Variants in OR5K4 observed in about 807,000 individuals in gnomAD.
OR5K4 encodes the protein olfactory receptor 5K4.
In OR5K4, 16 loss-of-function variants were observed where a neutral mutation model predicts 11.8. That is an observed-to-expected ratio of 1.36 (90% CI 0.92 to 2.06). The LOEUF (loss-of-function observed/expected upper bound fraction) is 2.06, where lower values mean the gene tolerates loss of function less well. Ranked by LOEUF, OR5K4 falls within the 30% of genes most tolerant of loss-of-function variation. The pLI, the probability that OR5K4 is intolerant of heterozygous loss-of-function variation, is 0.00. For synonymous variants in OR5K4, 152 were observed against 135.1 expected, an observed-to-expected ratio of 1.12 and a Z score of -0.87; for missense variants, 442 against 386.9, an observed-to-expected ratio of 1.14 and a Z score of -1.19.
rs759412519 is a variant in OR5K4, at chr3:98,353,898, A to G, written c.45A>G (p.Ile15Met). The G allele has an allele frequency of 1.9e-6, 3 of 1,613,656 alleles. No homozygotes were observed. Among genetic ancestry groups the G allele is most frequent in the African/African-American group, 2.7e-5 (2 of 74,898 alleles). The change falls in exon 1 of 1, where the codon ATA becomes ATG. Residue 15 changes from isoleucine to methionine, a missense_variant. Coordinates refer to ENST00000354924, the MANE Select transcript of OR5K4 (RefSeq NM_001005517.1). ...NHSLAAEFIL[I>M]GFTNYPELKT... is the part of the protein sequence containing the mutation. The stretch of plus-strand genomic sequence containing the variant: ...CCTTAGCAGCTGAATTCATCCTCAT[A>G]GGATTTACAAATTATCCAGAGCTGA...
At position 98,354,437 on chromosome 3, in the gene OR5K4, A is replaced by T. The variant is rs758526321; in HGVS notation, c.584A>T (p.Asn195Ile). The T allele has an allele frequency of 5.0e-5, 80 of 1,611,374 alleles. No homozygotes were observed. The highest frequency in any genetic ancestry group is 6.3e-5 in the Non-Finnish European group (74 of 1,177,644). ...YRLSCTDPSI[N>I]ELMIYIFSIP... is the part of the protein sequence containing the mutation. ...CTCTCCTGTACAGATCCTTCTATTA[A>T]TGAACTAATGATATATATCTTTTCA... is the stretch of plus-strand genomic sequence containing the variant. The change falls in exon 1 of 1, where the codon AAT (asparagine) becomes ATT (isoleucine). Residue 195 changes from asparagine to isoleucine, a missense_variant. Coordinates refer to ENST00000354924, the MANE Select transcript of OR5K4 (RefSeq NM_001005517.1).
chr3:98,354,609 C>T lies in OR5K4; in HGVS notation c.756C>T (p.Tyr252=), dbSNP rs752278724. 3.1e-6 allele frequency: 5 copies of T among 1,613,570 alleles called. No individual in the cohort carries two copies. The highest frequency in any genetic ancestry group is 4.2e-6 in the Non-Finnish European group (5 of 1,179,612). The change falls in exon 1 of 1, where the codon TAC becomes TAT. Residue 252 remains tyrosine (Y), a synonymous_variant. Coordinates refer to ENST00000354924, the MANE Select transcript of OR5K4 (RefSeq NM_001005517.1). ...ACTTTCTCTCTGTCTCAATATTTTA[C>T]ATTTGTCTTCTCATGTATATTGGAC... ...ASHFLSVSIF[Y]ICLLMYIGPS... is the part of the protein sequence containing the mutation.
rs760566059 is a variant in OR5K4, at chr3:98,354,573, C to T, written c.720C>T (p.Thr240=). 1.2e-6 allele frequency: 2 copies of T among 1,613,788 alleles called. No individual in the cohort carries two copies. Among genetic ancestry groups the T allele is most frequent in the Non-Finnish European group, 1.7e-6 (2 of 1,179,920 alleles). The change falls in exon 1 of 1, where the codon ACC becomes ACT. Residue 240 remains threonine, a synonymous_variant. Coordinates refer to ENST00000354924, the MANE Select transcript of OR5K4 (RefSeq NM_001005517.1). The stretch of plus-strand genomic sequence containing the variant: ...AGGGAAGAGGTAAAGCATTTTCTAC[C>T]TGTGCATCCCACTTTCTCTCTGTCT... ...SKEGRGKAFS[T]CASHFLSVSI...
At position 98,354,028 on chromosome 3, in the gene OR5K4, A is replaced by G. The variant is rs574750152; in HGVS notation, c.175A>G (p.Met59Val). ...TGTAGAGCGTCGTCTTCTCACACCA[A>G]TGTACATCTTTCTGGGCAACCTGGC... The part of the protein sequence containing the change: ...IYVERRLLTP[M>V]YIFLGNLALM... Residue 59 changes from methionine to valine, a missense_variant, in exon 1 of 1, where the codon ATG becomes GTG. Met to Val is a conservative substitution (Grantham distance 21). Coordinates refer to ENST00000354924, the MANE Select transcript of OR5K4 (RefSeq NM_001005517.1). 1.7e-5 allele frequency: 28 copies of G among 1,613,938 alleles called. No homozygotes were observed. The highest frequency in any genetic ancestry group is 5.3e-5 in the African/African-American group (4 of 74,972).
In OR5K4 at chr3:98,354,295, G is replaced by C; in HGVS notation, c.442G>C (p.Ala148Pro). Residue 148 changes from alanine to proline, a missense_variant, in exon 1 of 1, where the codon GCC (alanine) becomes CCC (proline). Ala to Pro is a conservative substitution (Grantham distance 27). Transcript: ENST00000354924. The stretch of plus-strand genomic sequence containing the variant: ...GCTCTGCATTCGGATGACCACAGGG[G>C]CCTTCAAAGCTGGAAACCTGCATTC... ...KTLCIRMTTGAFKAGNLHSMI... is the reference protein window; with the variant it reads ...KTLCIRMTTGPFKAGNLHSMI... 1.2e-6 allele frequency: 2 copies of C among 1,614,166 alleles called. No homozygotes were observed. The highest frequency in any genetic ancestry group is 1.7e-6 in the Non-Finnish European group (2 of 1,180,036).
rs776536731 is a variant in OR5K4 at position 98,354,036 on chromosome 3, C to T, written c.183C>T (p.Ile61=). 1.2e-6 allele frequency: 2 copies of T among 1,613,886 alleles called. No homozygotes were observed. The highest frequency in any genetic ancestry group is 1.3e-5 in the African/African-American group (1 of 74,880). The change falls in exon 1 of 1, where the codon ATC becomes ATT. Residue 61 remains isoleucine (I), a synonymous_variant. Coordinates refer to ENST00000354924, the MANE Select transcript of OR5K4 (RefSeq NM_001005517.1). Reference sequence around the variant, plus strand: ...GTCGTCTTCTCACACCAATGTACATCTTTCTGGGCAACCTGGCTCTGATGG... The same window carrying T: ...GTCGTCTTCTCACACCAATGTACATTTTTCTGGGCAACCTGGCTCTGATGG... ...VERRLLTPMY[I]FLGNLALMDS... is the part of the protein sequence containing the mutation.
Position 98,354,456 on chromosome 3 carries a change from C to A in OR5K4, c.603C>A (p.Ile201=). ...DPSINELMIY[I]FSIPIQIFTI... Reference sequence around the variant, plus strand: ...CTATTAATGAACTAATGATATATATCTTTTCAATACCAATTCAAATCTTTA... The same window carrying A: ...CTATTAATGAACTAATGATATATATATTTTCAATACCAATTCAAATCTTTA... Residue 201 remains isoleucine, a synonymous_variant, in exon 1 of 1, where the codon ATC becomes ATA. Transcript: ENST00000354924. The A allele has an allele frequency of 3.7e-6, 6 of 1,610,168 alleles. No homozygotes were observed. The highest frequency in any genetic ancestry group is 5.1e-6 in the Non-Finnish European group (6 of 1,176,420).
Position 98,353,932 on chromosome 3 carries a change from C to T in OR5K4, c.79C>T (p.Leu27=). 1 of 1,614,150 alleles carries T rather than the reference C, an allele frequency of 6.2e-7. No homozygotes were observed. The change falls in exon 1 of 1, where the codon CTG becomes TTG. Residue 27 remains leucine, a synonymous_variant. Transcript: ENST00000354924. The part of the protein sequence containing the change: ...FTNYPELKTL[L]FVVFSAIYLV... ...AAATTATCCAGAGCTGAAGACGCTTCTGTTTGTGGTGTTCTCTGCCATCTA... is the reference window on the plus strand; with the variant it reads ...AAATTATCCAGAGCTGAAGACGCTTTTGTTTGTGGTGTTCTCTGCCATCTA...
chr3:98,354,419 G>A lies in OR5K4; in HGVS notation c.566G>A (p.Cys189Tyr), dbSNP rs1187280023. The A allele has an allele frequency of 1.9e-6, 3 of 1,608,474 alleles. No individual in the cohort carries two copies. Among genetic ancestry groups the A allele is most frequent in the Middle Eastern group, 1.6e-4 (1 of 6,074 alleles). ...ATTCTTCCACTGTATAGACTCTCCT[G>A]TACAGATCCTTCTATTAATGAACTA... ...CDILPLYRLS[C>Y]TDPSINELMI... Residue 189 changes from cysteine (C) to tyrosine (Y), a missense_variant, in exon 1 of 1, where the codon TGT (cysteine) becomes TAT (tyrosine). Transcript: ENST00000354924.
rs1250061946 is a variant in OR5K4 at position 98,353,874 on chromosome 3, C to G, written c.21C>G (p.Ser7=). 13 of 1,610,278 alleles carry G rather than the reference C, an allele frequency of 8.1e-6. 1 individual carries two copies. Among genetic ancestry groups the G allele is most frequent in the Non-Finnish European group, 1.1e-5 (13 of 1,178,358 alleles). The change falls in exon 1 of 1, where the codon TCC becomes TCG. Residue 7 remains serine (S), a synonymous_variant. Coordinates refer to ENST00000354924, the MANE Select transcript of OR5K4 (RefSeq NM_001005517.1). MARENH[S]LAAEFILIGF... ...CAGGAATGGCTAGGGAAAATCACTC[C>G]TTAGCAGCTGAATTCATCCTCATAG...
Position 98,354,477 on chromosome 3 carries a change from C to A in OR5K4, c.624C>A (p.Ile208=). Reference sequence around the variant, plus strand: ...ATATCTTTTCAATACCAATTCAAATCTTTACCATTGCTACTGTCTTGATCT... The same window carrying A: ...ATATCTTTTCAATACCAATTCAAATATTTACCATTGCTACTGTCTTGATCT... ...MIYIFSIPIQ[I]FTIATVLISY... Residue 208 remains isoleucine (I), a synonymous_variant, in exon 1 of 1, where the codon ATC becomes ATA. Transcript: ENST00000354924. 3 of 1,610,996 alleles carry A rather than the reference C, an allele frequency of 1.9e-6. No homozygotes were observed. In the South Asian group the frequency reaches 3.3e-5, roughly 18 times the overall value.
chr3:98,354,049 C>T lies in OR5K4; in HGVS notation c.196C>T (p.Leu66=). ...ACCAATGTACATCTTTCTGGGCAACCTGGCTCTGATGGATTCCTGCTGTTC... is the reference window on the plus strand; with the variant it reads ...ACCAATGTACATCTTTCTGGGCAACTTGGCTCTGATGGATTCCTGCTGTTC... ...LTPMYIFLGN[L]ALMDSCCSCA... The change falls in exon 1 of 1, where the codon CTG becomes TTG. Residue 66 remains leucine, a synonymous_variant. Transcript: ENST00000354924. 1 of 1,614,186 alleles carries T rather than the reference C, an allele frequency of 6.2e-7. No homozygotes were observed. Among genetic ancestry groups the T allele is most frequent in the Non-Finnish European group, 8.5e-7 (1 of 1,180,016 alleles).
Position 98,354,638 on chromosome 3 carries a change from C to G in OR5K4, c.785C>G (p.Ser262Cys), listed in dbSNP as rs763135440. The change falls in exon 1 of 1, where the codon TCT (serine) becomes TGT (cysteine). Residue 262 changes from serine (S) to cysteine (C), a missense_variant. By Grantham distance (112) the Ser-to-Cys change is moderately radical. Coordinates refer to ENST00000354924, the MANE Select transcript of OR5K4 (RefSeq NM_001005517.1). ...TGTCTTCTCATGTATATTGGACCATCTGAAGAAGGAGATAAAGATACACCA... is the reference window on the plus strand; with the variant it reads ...TGTCTTCTCATGTATATTGGACCATGTGAAGAAGGAGATAAAGATACACCA... ...YICLLMYIGP[S>C]EEGDKDTPVA... 6.2e-7 allele frequency: 1 copy of G among 1,611,632 alleles called. No homozygotes were observed. Among genetic ancestry groups the G allele is most frequent in the South Asian group, 1.1e-5 (1 of 91,004 alleles).
In OR5K4 at chr3:98,354,169, CT is replaced by C; in HGVS notation, c.318del (p.Ala107LeufsTer29). ...ECMAQFYFLC[L>X]AETTDCFLLA... Reference sequence around the variant, plus strand: ...TATGGCACAATTTTATTTTCTCTGTCTTGCTGAAACCACAGACTGCTTTCTT... The same window carrying C: ...TATGGCACAATTTTATTTTCTCTGTCTGCTGAAACCACAGACTGCTTTCTT... On this transcript the variant is annotated frameshift_variant, in exon 1 of 1. Transcript: ENST00000354924. LOFTEE classifies it high-confidence loss of function. 4 of 1,614,166 alleles carry C rather than the reference CT, an allele frequency of 2.5e-6. No individual in the cohort carries two copies. The highest frequency in any genetic ancestry group is 3.4e-6 in the Non-Finnish European group (4 of 1,180,028).
At position 98,354,443 on chromosome 3, in the gene OR5K4, T is replaced by G. The variant is rs1004036109; in HGVS notation, c.590T>G (p.Leu197Arg). ...TGTACAGATCCTTCTATTAATGAAC[T>G]AATGATATATATCTTTTCAATACCA... The part of the protein sequence containing the change: ...LSCTDPSINE[L>R]MIYIFSIPIQ... The change falls in exon 1 of 1, where the codon CTA (leucine) becomes CGA (arginine). Residue 197 changes from leucine (L) to arginine (R), a missense_variant. By Grantham distance (102) the Leu-to-Arg change is moderately radical. Coordinates refer to ENST00000354924, the MANE Select transcript of OR5K4 (RefSeq NM_001005517.1). The G allele has an allele frequency of 2.5e-6, 4 of 1,610,554 alleles. No individual in the cohort carries two copies. The highest frequency in any genetic ancestry group is 3.4e-6 in the Non-Finnish European group (4 of 1,176,762).
chr3:98,354,699 A>T lies in OR5K4; in HGVS notation c.846A>T (p.Leu282=). 1 of 1,604,826 alleles carries T rather than the reference A, an allele frequency of 6.2e-7. No individual in the cohort carries two copies. Among genetic ancestry groups the T allele is most frequent in the East Asian group, 2.2e-5 (1 of 44,778 alleles). The change falls in exon 1 of 1, where the codon CTA becomes CTT. Residue 282 remains leucine, a synonymous_variant. Transcript: ENST00000354924. The part of the protein sequence containing the change: ...AIFYAIVIPL[L]NPFIYSLRNK... ...TTTATGCAATAGTAATCCCATTACT[A>T]AACCCTTTTATTTATAGTCTGAGAA...
Position 98,354,031 on chromosome 3 carries a change from T to TGTG in OR5K4, c.178_179insGTG (p.Tyr60delinsCysAsp). 6.2e-7 allele frequency: 1 copy of TGTG among 1,614,118 alleles called. No individual in the cohort carries two copies. Among genetic ancestry groups the TGTG allele is most frequent in the Non-Finnish European group, 8.5e-7 (1 of 1,179,986 alleles). ...AGAGCGTCGTCTTCTCACACCAATG[T>TGTG]ACATCTTTCTGGGCAACCTGGCTCT... On this transcript the variant is annotated protein_altering_variant, in exon 1 of 1. Coordinates refer to ENST00000354924, the MANE Select transcript of OR5K4 (RefSeq NM_001005517.1).
chr3:98,354,731 A>G lies in OR5K4; in HGVS notation c.878A>G (p.Glu293Gly). 3.2e-6 allele frequency: 5 copies of G among 1,557,150 alleles called. No homozygotes were observed. Among genetic ancestry groups the G allele is most frequent in the Non-Finnish European group, 4.4e-6 (5 of 1,142,328 alleles). The change falls in exon 1 of 1, where the codon GAG (glutamate) becomes GGG (glycine). Residue 293 changes from glutamate (E) to glycine (G), a missense_variant. By Grantham distance (98) the Glu-to-Gly change is moderately conservative. Transcript: ENST00000354924. Reference sequence around the variant, plus strand: ...TTTATTTATAGTCTGAGAAATAAGGAGGTCATAAATGTTCTTAAAAAAATT... The same window carrying G: ...TTTATTTATAGTCTGAGAAATAAGGGGGTCATAAATGTTCTTAAAAAAATT... ...NPFIYSLRNK[E>G]VINVLKKIMR...
In OR5K4 at chr3:98,354,745, C is replaced by G; in HGVS notation, c.892C>G (p.Leu298Val). ...SLRNKEVINV[L>V]KKIMRNYNIL... ...GAGAAATAAGGAGGTCATAAATGTTCTTAAAAAAATTATGAGGAATTATAA... is the reference window on the plus strand; with the variant it reads ...GAGAAATAAGGAGGTCATAAATGTTGTTAAAAAAATTATGAGGAATTATAA... Residue 298 changes from leucine (L) to valine (V), a missense_variant, in exon 1 of 1, where the codon CTT (leucine) becomes GTT (valine). By Grantham distance (32) the Leu-to-Val change is conservative (BLOSUM62 1). Transcript: ENST00000354924. 6.6e-7 allele frequency: 1 copy of G among 1,505,336 alleles called. No homozygotes were observed. Among genetic ancestry groups the G allele is most frequent in the Non-Finnish European group, 9.0e-7 (1 of 1,109,432 alleles). 93.2% of individuals were successfully genotyped at this position (1,505,336 alleles called of 1,614,324 possible). A position where few individuals can be genotyped will look rare whatever the true frequency, so the allele number is the denominator to read the frequency against.
Sources: gnomAD v4.1 joint callset for allele counts on GRCh38, gnomAD v4.1.1 for gene constraint, MANE v1.5 for transcripts, NCBI Gene and HGNC (gene_info 2026-07-23, HGNC 2026-07-21) for gene names.